The following SLC14A2 variants were observed in gnomAD, a reference collection of about 807,000 sequenced individuals.
SLC14A2 encodes the protein urea transporter 2.
A neutral mutation model predicts 104.6 loss-of-function variants in SLC14A2; 91 were observed. The ratio of observed to expected loss-of-function variants is 0.87; its 90% confidence interval spans 0.73 to 1.04. The LOEUF is 1.04. SLC14A2 is among the 50% of genes least tolerant of loss of function. The probability of loss-of-function intolerance (pLI) is 0.00; values close to 1 mark genes in which losing one functional copy is unlikely to be tolerated. For synonymous variants in SLC14A2, 476 were observed against 466.4 expected (o/e 1.02, Z -0.27); for missense variants, 1,189 against 1,156.0 (o/e 1.03, Z -0.41).
intron 2 of SLC14A2, among the ~76,000 whole-genome samples, chr18:45,606,138 G>A (rs1568295691): frequency 6.6e-6 from 1 of 152,010 alleles, no homozygotes; most frequent in East Asian, 1.9e-4. Context: ...TCCCACCAGG[G>A]AACCCTCATC....
intron 2 of SLC14A2, among the ~76,000 whole-genome samples, chr18:45,560,588 A>C (rs1319965039): frequency 6.6e-6 from 1 of 152,160 alleles, no homozygotes; most frequent in Admixed American, 6.5e-5. Context: ...CTTGCATTCT[A>C]AGGGAACTTA....
chr18:45,429,552 T>G (rs747531258), intron 1 of SLC14A2, among the ~76,000 whole-genome samples: 2 of 152,192 alleles, frequency 1.3e-5, no homozygotes, highest in African/African-American at 2.4e-5. Context: ...CAAATAACTG[T>G]GATATGGACA....
At chr18:45,605,502 A>G (rs571042506) in intron 2 of SLC14A2, among the ~76,000 whole-genome samples, 1 of 152,286 alleles carries the variant, frequency 6.6e-6, no homozygotes, top group East Asian at 1.9e-4. Context: ...AGGTGATGGG[A>G]TTCAATGATT....
In SLC14A2 at chr18:45,682,585, A is replaced by G. The variant is rs1052811562; in HGVS notation, c.*66A>G. ...AGCACGCCGTCCAGATCCCCAGGAT[A>G]AGAGACCACTTAGCCTTCCCTTTGG... On this transcript the variant is annotated 3_prime_UTR_variant, in exon 20 of 20. Transcript: ENST00000255226. 57 of 1,328,144 alleles carry G rather than the reference A, an allele frequency of 4.3e-5. No homozygotes were observed. The highest frequency in any genetic ancestry group is 2.1e-4 in the East Asian group (9 of 43,526). 82.3% of individuals were successfully genotyped at this position (1,328,144 alleles called of 1,614,324 possible). A position where few individuals can be genotyped will look rare whatever the true frequency, so the allele number is the denominator to read the frequency against.
intron 1 of SLC14A2, among the ~76,000 whole-genome samples, chr18:45,396,522 AT>A (rs1275541673): frequency 2.0e-5 from 3 of 151,176 alleles, no homozygotes; most frequent in Non-Finnish European, 4.4e-5. Context: ...ACTTTCTATG[AT>A]TTTTTATTTT....
At chr18:45,277,986 T>C (rs1369602462) in intron 1 of SLC14A2, among the ~76,000 whole-genome samples, 2 of 152,166 alleles carry the variant, frequency 1.3e-5, no homozygotes, top group East Asian at 3.9e-4. Flanking sequence ...ACTGACTCCT[T>C]ATAACTGAAC....
intron 1 of SLC14A2, among the ~76,000 whole-genome samples, chr18:45,459,379 G>T (rs1009140289): frequency 1.3e-5 from 2 of 152,188 alleles, no homozygotes; most frequent in African/African-American, 2.4e-5. Flanking sequence ...ACTCTGTGCT[G>T]TTGTGCCCTC....
chr18:45,360,648 T>G (rs2085601348), intron 1 of SLC14A2, among the ~76,000 whole-genome samples: 1 of 152,258 alleles, frequency 6.6e-6, no homozygotes, highest in African/African-American at 2.4e-5. Context: ...GTGTTTCATT[T>G]GCCTAAAGGC....
At chr18:45,235,143 A>G (rs1278318853) in intron 1 of SLC14A2, among the ~76,000 whole-genome samples, 2 of 152,324 alleles carry the variant, frequency 1.3e-5, no homozygotes, top group East Asian at 1.9e-4. Flanking sequence ...AAGCCTTTAT[A>G]TACTTTCAGC....
rs746466171 is a variant in SLC14A2, at chr18:45,673,770, T to C, written c.2465T>C (p.Met822Thr). Residue 822 changes from methionine to threonine, a missense_variant, in exon 18 of 20, where the codon ATG becomes ACG. Met to Thr is a moderately conservative substitution (Grantham distance 81). Transcript: ENST00000255226. ...CTCGCATGCATAGCGATAGGAGGCA[T>C]GTTCTACGTCATCACCTGGCAGACG... is the stretch of plus-strand genomic sequence containing the variant. The part of the protein sequence containing the change: ...STLACIAIGG[M>T]FYVITWQTHL... 3.3e-5 allele frequency: 54 copies of C among 1,614,108 alleles called. No homozygotes were observed. Among genetic ancestry groups the C allele is most frequent in the South Asian group, 5.5e-5 (5 of 91,094 alleles).
intron 1 of SLC14A2, among the ~76,000 whole-genome samples, chr18:45,453,424 T>A (rs1410017563): frequency 6.6e-6 from 1 of 152,028 alleles, no homozygotes; most frequent in Non-Finnish European, 1.5e-5. Flanking sequence ...ATTTTTAAAA[T>A]CAAAAATTAA....
intron 2 of SLC14A2, among the ~76,000 whole-genome samples, chr18:45,526,223 T>C (rs921085662): frequency 6.6e-6 from 1 of 152,200 alleles, no homozygotes; most frequent in African/African-American, 2.4e-5. Context: ...TCATGGTTTT[T>C]AGTCACTGGA....
At chr18:45,300,580 G>A (rs1446777932) in intron 1 of SLC14A2, among the ~76,000 whole-genome samples, 1 of 152,190 alleles carries the variant, frequency 6.6e-6, no homozygotes, top group African/African-American at 2.4e-5. Context: ...GATAGATGAT[G>A]CAGGGGATGT....
At chr18:45,286,841 G>A (rs2084819868) in intron 1 of SLC14A2, among the ~76,000 whole-genome samples, 1 of 152,174 alleles carries the variant, frequency 6.6e-6, no homozygotes, top group Non-Finnish European at 1.5e-5. Context: ...CACCAAGCAT[G>A]CATTATTCTA....
chr18:45,409,168 A>G (rs1442280961), intron 1 of SLC14A2, among the ~76,000 whole-genome samples: 2 of 152,206 alleles, frequency 1.3e-5, no homozygotes, highest in African/African-American at 4.8e-5. Context: ...GAGATCCTAG[A>G]AGTCAACAAA....
chr18:45,227,140 T>C (rs914203752), intron 1 of SLC14A2, among the ~76,000 whole-genome samples: 3 of 152,188 alleles, frequency 2.0e-5, no homozygotes, highest in South Asian at 2.1e-4. Context: ...CAGACTTCTA[T>C]GTGATATTGG....
intron 2 of SLC14A2, among the ~76,000 whole-genome samples, chr18:45,505,078 A>G (rs2043260772): frequency 6.6e-6 from 1 of 152,222 alleles, no homozygotes; most frequent in Non-Finnish European, 1.5e-5. Flanking sequence ...ATAAAAGTAA[A>G]GTGACTCTAG....
chr18:45,601,521 CTATAATA>C (rs2044791206), intron 2 of SLC14A2, among the ~76,000 whole-genome samples: 1 of 152,230 alleles, frequency 6.6e-6, no homozygotes. Context: ...CCACTCAGAG[CTATAATA>C]TTTTCTGGGT....
intron 1 of SLC14A2, among the ~76,000 whole-genome samples, chr18:45,308,840 A>C (rs2144209595): frequency 6.6e-6 from 1 of 152,264 alleles, no homozygotes; most frequent in East Asian, 1.9e-4. Flanking sequence ...TGTCACCATG[A>C]CCATCTGGTT....
Sources: gnomAD v4.1 joint callset for allele counts (sites outside exome capture counted in the v4.1 genomes callset) on GRCh38, gnomAD v4.1.1 for gene constraint, MANE v1.5 for transcripts, NCBI Gene and HGNC (gene_info 2026-07-23, HGNC 2026-07-21) for gene names.